Variants in SOX6 observed in about 807,000 individuals in gnomAD.
SOX6 encodes the protein transcription factor SOX-6.
In SOX6, 11 loss-of-function variants were observed where a neutral mutation model predicts 97.8. The observed-to-expected ratio is 0.11, with a 90% confidence interval of 0.07 to 0.19. The LOEUF (loss-of-function observed/expected upper bound fraction) is 0.19, where lower values mean the gene tolerates loss of function less well. SOX6 is among the 10% of genes least tolerant of loss of function. The pLI is 1.00. For missense variants in SOX6, 810 were observed against 1,039.5 expected (o/e 0.78, Z 3.04); for synonymous variants, 360 against 371.4 (o/e 0.97, Z 0.35).
chr11:16,168,424 T>G (rs550629621), intron 6 of SOX6, among the ~76,000 whole-genome samples: 2 of 152,288 alleles, frequency 1.3e-5, no homozygotes, highest in Non-Finnish European at 2.9e-5. Context: ...ATAAGGGTCC[T>G]AGAATTTTTT....
intron 6 of SOX6, among the ~76,000 whole-genome samples, chr11:16,151,855 C>T (rs1334755115): frequency 6.6e-6 from 1 of 152,186 alleles, no homozygotes; most frequent in Admixed American, 6.5e-5. Context: ...ACAAAGAACA[C>T]ATACATAACC....
intron 3 of SOX6, among the ~76,000 whole-genome samples, chr11:16,284,668 C>G (rs1192096604): frequency 6.6e-6 from 1 of 152,104 alleles, no homozygotes. Context: ...AGGTACATCA[C>G]CAAGCAAATG....
At position 16,240,795 on chromosome 11, in the gene SOX6, G is replaced by T. The variant is rs186340647; in HGVS notation, c.446-6124C>A. On this transcript the variant is annotated intron_variant, in intron 3 of 15. Transcript: ENST00000683767. ...AGACCAATACCCTCATTTCAGAAAT[G>T]AGAAAACAGAGTCAAGATAAGGAAG... is the stretch of plus-strand genomic sequence containing the variant. Among the ~76,000 whole-genome samples, 12 of 152,076 alleles carry T rather than the reference G, an allele frequency of 7.9e-5. No individual in the cohort carries two copies. In the East Asian group the frequency reaches 2.3e-3, roughly 29 times the overall value.
intron 4 of SOX6, among the ~76,000 whole-genome samples, chr11:16,227,814 T>C (rs1328965476): frequency 6.6e-6 from 1 of 152,164 alleles, no homozygotes; most frequent in Non-Finnish European, 1.5e-5. Flanking sequence ...CTTCCCTAGG[T>C]CTTTAATTAC....
rs1183689013 is a variant in SOX6 at position 16,607,588 on chromosome 11, GC to G, written n.609+4492del. The G allele has an allele frequency of 1.3e-5, 2 of 152,444 alleles. No homozygotes were observed. Among genetic ancestry groups the G allele is most frequent in the Non-Finnish European group, 2.9e-5 (2 of 68,210 alleles). The allele number at this position is 152,444 out of a possible 1,614,324, so 9.4% of individuals were successfully genotyped here. ...CCGCCCCGGGTGGGGGCAGCGCAGA[GC>G]GGCAGAAGTTTGCCGCCGGGGTTCC... On this transcript the variant is annotated intron_variant and non_coding_transcript_variant, in intron 4 of 5. Coordinates refer to the SOX6 transcript ENST00000524520. The surrounding 1 kb of genome is among the most constrained non-coding windows in gnomAD (Gnocchi z 6.5).
chr11:16,399,256 C>G (rs1386910378), intron 1 of SOX6, among the ~76,000 whole-genome samples: 1 of 151,334 alleles, frequency 6.6e-6, no homozygotes, highest in Non-Finnish European at 1.5e-5. Flanking sequence ...TAAGGGATTA[C>G]TGTAGCTATA....
At chr11:16,561,571 A>G (rs1431291152) in intron 4 of SOX6, among the ~76,000 whole-genome samples, 2 of 152,194 alleles carry the variant, frequency 1.3e-5, no homozygotes, top group Non-Finnish European at 2.9e-5. Flanking sequence ...GGTATTTAAC[A>G]AAAATTGTTC....
At chr11:16,228,265 A>C (rs1852743191) in intron 4 of SOX6, among the ~76,000 whole-genome samples, 1 of 152,106 alleles carries the variant, frequency 6.6e-6, no homozygotes, top group African/African-American at 2.4e-5. Flanking sequence ...GCCAAAGTAA[A>C]AGTGTAAACA....
intron 3 of SOX6, among the ~76,000 whole-genome samples, chr11:16,639,818 A>G (rs1374610294): frequency 1.3e-5 from 2 of 152,126 alleles, no homozygotes; most frequent in Non-Finnish European, 2.9e-5. Flanking sequence ...GGCTGAGACG[A>G]TAGGGTTTTC....
intron 4 of SOX6, among the ~76,000 whole-genome samples, chr11:16,571,505 A>G (rs534103676): frequency 2.0e-5 from 3 of 152,300 alleles, no homozygotes; most frequent in East Asian, 3.9e-4. Flanking sequence ...ATCACAGCAT[A>G]CTACGACCTG....
chr11:16,565,183 C>T (rs1226555217), intron 4 of SOX6, among the ~76,000 whole-genome samples: 2 of 152,130 alleles, frequency 1.3e-5, no homozygotes, highest in Non-Finnish European at 2.9e-5. Flanking sequence ...TAACTCTACA[C>T]ACATAAATTT....
chr11:16,589,442 GT>G (rs1038909241), intron 4 of SOX6, among the ~76,000 whole-genome samples: 1 of 152,074 alleles, frequency 6.6e-6, no homozygotes, highest in Non-Finnish European at 1.5e-5. Context: ...ATATAATCTA[GT>G]TTTTTACTAA....
intron 6 of SOX6, among the ~76,000 whole-genome samples, chr11:16,134,536 C>T (rs1402040370): frequency 2.6e-5 from 4 of 152,190 alleles, no homozygotes; most frequent in African/African-American, 9.6e-5. Context: ...TCAAGCAAGC[C>T]TACCAATGTC....
chr11:16,594,683 G>GTTT lies in SOX6; in HGVS notation n.609+17397_609+17398insAAA, dbSNP rs1565188995. On this transcript the variant is annotated intron_variant and non_coding_transcript_variant, in intron 4 of 5. Coordinates refer to the SOX6 transcript ENST00000524520. ...AATTTTTATTTTCTTTTCGGTTTTT[G>GTTT]CTTTTTTTTTTTTTTTTTTTTTTTT... Among the ~76,000 whole-genome samples the GTTT allele has an allele frequency of 6.4e-3, 304 of 47,684 alleles. 5 individuals carry two copies. Among genetic ancestry groups the GTTT allele is most frequent in the African/African-American group, 0.023 (280 of 12,330 alleles). The allele number at this position is 47,684 out of a possible 152,430, so 31.3% of individuals were successfully genotyped here.
intron 1 of SOX6, among the ~76,000 whole-genome samples, chr11:16,395,482 G>A (rs775742316): frequency 6.6e-6 from 1 of 151,672 alleles, no homozygotes; most frequent in East Asian, 1.9e-4. Context: ...GAATATCTTG[G>A]TGTAAAAAAG....
intron 1 of SOX6, among the ~76,000 whole-genome samples, chr11:16,399,163 T>G (rs1858470350): frequency 6.6e-6 from 1 of 151,264 alleles, no homozygotes; most frequent in Admixed American, 6.6e-5. Flanking sequence ...AAACCAGGTC[T>G]GTGTGTCTCA....
chr11:16,638,789 GTT>G, intron 3 of SOX6, among the ~76,000 whole-genome samples: 1 of 152,104 alleles, frequency 6.6e-6, no homozygotes, highest in Non-Finnish European at 1.5e-5. Flanking sequence ...TTATAAATTT[GTT>G]TAAGTTCTTT....
rs1033904727 is a variant in SOX6, at chr11:16,356,513, T to G, written c.-424A>C. On this transcript the variant is annotated 5_prime_UTR_variant, in exon 1 of 16. Coordinates refer to ENST00000683767, the MANE Select transcript of SOX6 (RefSeq NM_001367873.1). ...CCTATTTGCTGAGCAACAGTGGAGC[T>G]TTGTGGTTTGCCTCACAGTTGACAG... is the stretch of plus-strand genomic sequence containing the variant. 1.3e-5 allele frequency among the ~76,000 whole-genome samples: 2 copies of G among 152,080 alleles called. No individual in the cohort carries two copies. Among genetic ancestry groups the G allele is most frequent in the African/African-American group, 2.4e-5 (1 of 41,428 alleles).
At chr11:16,625,145 G>GT (rs983932072) in intron 3 of SOX6, among the ~76,000 whole-genome samples, 1 of 151,944 alleles carries the variant, frequency 6.6e-6, no homozygotes, top group Non-Finnish European at 1.5e-5. Context: ...CACATTATTA[G>GT]TTTTTTTCTT....
Sources: gnomAD v4.1 joint callset for allele counts (sites outside exome capture counted in the v4.1 genomes callset) on GRCh38, gnomAD v4.1.1 for gene constraint, Gnocchi (gnomAD v3.1) non-coding constraint, MANE v1.5 for transcripts, NCBI Gene and HGNC (gene_info 2026-07-23, HGNC 2026-07-21) for gene names.